Variants in PLA2R1 observed in about 807,000 individuals in gnomAD.
The protein encoded by PLA2R1 is secretory phospholipase A2 receptor.
In PLA2R1, 158 loss-of-function variants were observed where a neutral mutation model predicts 195.9. The observed-to-expected ratio is 0.81, with a 90% confidence interval of 0.71 to 0.92. The LOEUF (loss-of-function observed/expected upper bound fraction) is 0.92. PLA2R1 is among the 40% of genes least tolerant of loss of function. PLA2R1 has a pLI of 0.00. For missense variants in PLA2R1, 1,626 were observed against 1,764.6 expected (o/e 0.92, Z 1.41); for synonymous variants, 586 against 598.2 (o/e 0.98, Z 0.30).
intron 10 of PLA2R1, among the ~76,000 whole-genome samples, chr2:160,012,938 A>ATAAAC (rs1275089919): frequency 6.6e-6 from 1 of 152,156 alleles, no homozygotes; most frequent in Non-Finnish European, 1.5e-5. Context: ...ATAAAATAAA[A>ATAAAC]AATAAATAAC....
intron 11 of PLA2R1, among the ~76,000 whole-genome samples, chr2:159,993,475 C>CACACACA (rs975462396): frequency 1.3e-5 from 2 of 151,646 alleles, no homozygotes; most frequent in Non-Finnish European, 2.9e-5. Flanking sequence ...CACACACACA[C>CACACACA]ACTTCCTAGA....
At chr2:160,041,551 T>C (rs1021151667) in intron 3 of PLA2R1, among the ~76,000 whole-genome samples, 3 of 152,080 alleles carry the variant, frequency 2.0e-5, no homozygotes, top group Admixed American at 6.6e-5. Flanking sequence ...ATGAGGGCAA[T>C]TGCGATTTTA....
chr2:159,966,643 C>A (rs1688810542), intron 20 of PLA2R1, among the ~76,000 whole-genome samples: 2 of 152,044 alleles, frequency 1.3e-5, no homozygotes, highest in South Asian at 4.2e-4. Flanking sequence ...CTCAAATTAA[C>A]AATGGGAGGA....
intron 1 of PLA2R1, among the ~76,000 whole-genome samples, chr2:160,052,393 T>C (rs1377194548): frequency 6.6e-6 from 1 of 152,254 alleles, no homozygotes; most frequent in African/African-American, 2.4e-5. Context: ...TTGCTGACCC[T>C]GGCAGAAAAT....
rs373137966 is a variant in PLA2R1 at position 159,970,215 on chromosome 2, A to G, written c.2596-3T>C. The G allele has an allele frequency of 1.9e-6, 3 of 1,602,810 alleles. No homozygotes were observed. The highest frequency in any genetic ancestry group is 2.2e-5 in the South Asian group (2 of 89,754). ...CAACTTGCACCATACTTTGATAGCT[A>G]TTGAAAGAAAAAAAGTCAGCATTTA... On this transcript the variant is annotated splice_region_variant and splice_polypyrimidine_tract_variant and intron_variant, in intron 17 of 29. Transcript: ENST00000283243.
rs1193289944 is a variant in PLA2R1, at chr2:159,932,309, AG to A, written c.*9468del. ...ACCTTTAGGTGTCATCTGGAGTAAA[AG>A]GGAAGGAAACAATTCCTTGTCTGAT... On this transcript the variant is annotated 3_prime_UTR_variant, in exon 30 of 30. Coordinates refer to ENST00000283243, the MANE Select transcript of PLA2R1 (RefSeq NM_007366.5). The A allele has an allele frequency of 6.6e-6, 1 of 152,280 alleles. No homozygotes were observed. Among genetic ancestry groups the A allele is most frequent in the Non-Finnish European group, 1.5e-5 (1 of 68,112 alleles). 9.4% of individuals were successfully genotyped at this position (152,280 alleles called of 1,614,324 possible).
chr2:160,039,190 G>A (rs972458909), intron 3 of PLA2R1, among the ~76,000 whole-genome samples: 5 of 152,096 alleles, frequency 3.3e-5, no homozygotes, highest in South Asian at 2.1e-4. Flanking sequence ...TATATCACTC[G>A]AGCAACTGAT....
rs181078149 is a variant in PLA2R1 at position 159,940,286 on chromosome 2, T to C, written c.*1492A>G. ...ATTTTCATAACCACTTGCTATTTTATGCATATGCATTTCTTTACTGAGTTA... is the reference window on the plus strand; with the variant it reads ...ATTTTCATAACCACTTGCTATTTTACGCATATGCATTTCTTTACTGAGTTA... On this transcript the variant is annotated 3_prime_UTR_variant, in exon 30 of 30. Coordinates refer to ENST00000283243, the MANE Select transcript of PLA2R1 (RefSeq NM_007366.5). 3.3e-5 allele frequency: 5 copies of C among 152,376 alleles called. No homozygotes were observed. The highest frequency in any genetic ancestry group is 9.6e-5 in the African/African-American group (4 of 41,592). 9.4% of individuals were successfully genotyped at this position (152,376 alleles called of 1,614,324 possible).
intron 3 of PLA2R1, among the ~76,000 whole-genome samples, chr2:160,041,019 C>T (rs1216769256): frequency 2.6e-5 from 4 of 152,134 alleles, no homozygotes; most frequent in Non-Finnish European, 5.9e-5. Flanking sequence ...GAGAGAGCTT[C>T]CCAAAATTTC....
At chr2:159,981,909 C>A (rs1209302780) in intron 13 of PLA2R1, among the ~76,000 whole-genome samples, 2 of 152,114 alleles carry the variant, frequency 1.3e-5, no homozygotes, top group African/African-American at 4.8e-5. Context: ...GAATTCCTGG[C>A]CTTAAGTGTT....
chr2:160,051,266 T>C (rs940141863), intron 1 of PLA2R1, among the ~76,000 whole-genome samples: 8 of 152,228 alleles, frequency 5.3e-5, no homozygotes, highest in Non-Finnish European at 7.3e-5. Context: ...TCAAGTGCAA[T>C]GCTTAAGACA....
Position 159,955,702 on chromosome 2 carries a change from A to T in PLA2R1, c.3149T>A (p.Ile1050Lys). ...AAAATAAATCTTAAAACTTACATTT[A>T]TTATATCAAATGGAGACCAGTTAGA... is the stretch of plus-strand genomic sequence containing the variant. ...VYSNWSPFDIINIPSHNTTEV... is the reference protein window; with the variant it reads ...VYSNWSPFDIKNIPSHNTTEV... The change falls in exon 22 of 30, where the codon ATA (isoleucine) becomes AAA (lysine). Residue 1050 changes from isoleucine to lysine, a missense_variant. Coordinates refer to ENST00000283243, the MANE Select transcript of PLA2R1 (RefSeq NM_007366.5). 1 of 1,432,490 alleles carries T rather than the reference A, an allele frequency of 7.0e-7. No individual in the cohort carries two copies. The highest frequency in any genetic ancestry group is 9.3e-7 in the Non-Finnish European group (1 of 1,071,908). The allele number at this position is 1,432,490 out of a possible 1,614,324, so 88.7% of individuals were successfully genotyped here. A position where few individuals can be genotyped will look rare whatever the true frequency, so the allele number is the denominator to read the frequency against.
chr2:160,034,068 C>T (rs752423579), intron 3 of PLA2R1, among the ~76,000 whole-genome samples: 3 of 152,180 alleles, frequency 2.0e-5, no homozygotes, highest in Non-Finnish European at 2.9e-5. Flanking sequence ...CTGGGAAATT[C>T]ACAATGAACA....
chr2:160,030,400 G>A (rs551401664), intron 4 of PLA2R1, among the ~76,000 whole-genome samples: 1 of 152,330 alleles, frequency 6.6e-6, no homozygotes, highest in Non-Finnish European at 1.5e-5. Flanking sequence ...ATGATAAGAA[G>A]TGAAATGGAT....
chr2:159,945,201 T>C (rs541412423), intron 27 of PLA2R1, 119 bp from the exon 28 acceptor site: 29 of 425,544 alleles, frequency 6.8e-5, no homozygotes, highest in Non-Finnish European at 1.0e-4. Flanking sequence ...TTTATTTTTA[T>C]TTTTTTATTA....
intron 11 of PLA2R1, among the ~76,000 whole-genome samples, chr2:159,999,975 C>A (rs1386736873): frequency 6.6e-6 from 1 of 152,102 alleles, no homozygotes; most frequent in Non-Finnish European, 1.5e-5. Context: ...TATGGCTGAG[C>A]TGGCACAAAA....
At chr2:160,007,650 C>T (rs1421390213) in intron 10 of PLA2R1, among the ~76,000 whole-genome samples, 3 of 152,080 alleles carry the variant, frequency 2.0e-5, no homozygotes, top group Non-Finnish European at 4.4e-5. Flanking sequence ...GAATAAACTA[C>T]ACAAAGACTT....
At chr2:160,025,607 A>C (rs911827936) in intron 6 of PLA2R1, among the ~76,000 whole-genome samples, 1 of 150,262 alleles carries the variant, frequency 6.7e-6, no homozygotes, top group African/African-American at 2.4e-5. Context: ...AAAAAAAAAA[A>C]AAACTATAGC....
At chr2:160,028,510 C>T (rs375087676) in intron 5 of PLA2R1, 149 bp from the exon 6 acceptor site, 36 of 649,162 alleles carry the variant, frequency 5.5e-5, no homozygotes, top group Middle Eastern at 3.1e-4. Flanking sequence ...TTTGCAGTTA[C>T]AGTCCAGGCA....
Sources: gnomAD v4.1 joint callset for allele counts (sites outside exome capture counted in the v4.1 genomes callset) on GRCh38, gnomAD v4.1.1 for gene constraint, MANE v1.5 for transcripts, NCBI Gene and HGNC (gene_info 2026-07-23, HGNC 2026-07-21) for gene names.